Variants in GTF2A2 observed in about 807,000 individuals in gnomAD.
GTF2A2 encodes general transcription factor IIA subunit 2, also known as transcription initiation factor IIA subunit 2.
Under a neutral mutation model 14.3 loss-of-function variants are expected in GTF2A2, and 9 were observed. The observed-to-expected ratio is 0.63, with a 90% CI of 0.38 to 1.10. The LOEUF is 1.10. GTF2A2 is among the 50% of genes least tolerant of loss of function. The pLI is 0.01. For synonymous variants in GTF2A2, 56 were observed against 46.0 expected (o/e 1.22, Z -0.88); for missense variants, 90 against 124.6 (o/e 0.72, Z 1.32).
chr15:59,643,546 G>A (rs1045850004), intron 3 of GTF2A2, among the ~76,000 whole-genome samples: 2 of 145,004 alleles, frequency 1.4e-5, no homozygotes, highest in African/African-American at 5.1e-5. Context: ...AAAAAAAATT[G>A]TTTAAAGTAG....
At chr15:59,640,912 T>C (rs1240183608) in intron 4 of GTF2A2, among the ~76,000 whole-genome samples, 1 of 148,096 alleles carries the variant, frequency 6.8e-6, no homozygotes, top group Non-Finnish European at 1.5e-5. Flanking sequence ...AAGTTAACTA[T>C]GCCCAAAGTT....
intron 3 of GTF2A2, among the ~76,000 whole-genome samples, chr15:59,645,787 G>A (rs1229621971): frequency 2.6e-5 from 4 of 152,024 alleles, no homozygotes; most frequent in African/African-American, 9.7e-5. Flanking sequence ...TGTAATCCCA[G>A]CACTTCGGGA....
At chr15:59,656,517 C>G (rs528025632) in intron 1 of GTF2A2, among the ~76,000 whole-genome samples, 1 of 151,560 alleles carries the variant, frequency 6.6e-6, no homozygotes, top group Non-Finnish European at 1.5e-5. Flanking sequence ...TCCATGAGGG[C>G]AAAGCTTTTT....
rs536967965 is a variant in GTF2A2 at position 59,641,596 on chromosome 15, A to C, written c.304+540T>G. On this transcript the variant is annotated intron_variant, in intron 4 of 4. Coordinates refer to ENST00000396060, the MANE Select transcript of GTF2A2 (RefSeq NM_004492.3). Reference sequence around the variant, plus strand: ...AAAGGAAATAAACTAATCATGAAACAGAAATTAGGTGTATAGTTTTTGAAA... The same window carrying C: ...AAAGGAAATAAACTAATCATGAAACCGAAATTAGGTGTATAGTTTTTGAAA... 3.3e-4 allele frequency among the ~76,000 whole-genome samples: 50 copies of C among 150,288 alleles called. 1 individual carries two copies. Among genetic ancestry groups the C allele is most frequent in the African/African-American group, 1.2e-3 (47 of 39,630 alleles).
chr15:59,638,506 A>G lies in GTF2A2; in HGVS notation c.*626T>C, dbSNP rs1891258627. On this transcript the variant is annotated 3_prime_UTR_variant, in exon 5 of 5. Transcript: ENST00000396060. ...AAGACACCTGTCATGTGGGGGGACT[A>G]TTTTGTTTGGGTTTTTTTCCCCCTT... The G allele has an allele frequency of 6.6e-6, 1 of 152,048 alleles. No individual in the cohort carries two copies. The highest frequency in any genetic ancestry group is 6.6e-5 in the Admixed American group (1 of 15,244). 9.4% of individuals were successfully genotyped at this position (152,048 alleles called of 1,614,324 possible).
At chr15:59,657,347 G>C (rs1179597562) in intron 1 of GTF2A2, 59 bp downstream of exon 1, 2 of 152,502 alleles carry the variant, frequency 1.3e-5, no homozygotes, top group African/African-American at 4.8e-5. Flanking sequence ...GACTCCGGGG[G>C]GGCGGCAGGG....
chr15:59,647,646 T>G (rs1237023866), intron 3 of GTF2A2, among the ~76,000 whole-genome samples: 1 of 151,962 alleles, frequency 6.6e-6, no homozygotes, highest in Non-Finnish European at 1.5e-5. Flanking sequence ...TGGCGCGATC[T>G]TGGCTCACTG....
At chr15:59,646,215 C>T (rs1330114299) in intron 3 of GTF2A2, among the ~76,000 whole-genome samples, 6 of 150,862 alleles carry the variant, frequency 4.0e-5, no homozygotes, top group African/African-American at 1.5e-4. Flanking sequence ...CGCCACCACA[C>T]CCAGCTAATT....
At chr15:59,650,964 CACAAACAATCTTGAA>C (rs1891773012) in intron 2 of GTF2A2, among the ~76,000 whole-genome samples, 191 bp from the exon 3 acceptor site, 1 of 152,178 alleles carries the variant, frequency 6.6e-6, no homozygotes, top group South Asian at 2.1e-4. Flanking sequence ...ACTATCTTGA[CACAAACAATCTTGAA>C]GAGAAAACAT....
chr15:59,656,193 C>A (rs1015697653), intron 1 of GTF2A2, among the ~76,000 whole-genome samples: 54 of 152,304 alleles, frequency 3.5e-4, no homozygotes, highest in African/African-American at 1.3e-3. Flanking sequence ...CATCCCTCTC[C>A]AGATACACTG....
intron 4 of GTF2A2, among the ~76,000 whole-genome samples, chr15:59,639,465 T>TG (rs1491124994): frequency 1.2e-3 from 1 of 812 alleles, no homozygotes; most frequent in Non-Finnish European, 0.031. Flanking sequence ...CTGTCCCAAA[T>TG]TTTTTTTTTT....
At position 59,652,341 on chromosome 15, in the gene GTF2A2, T is replaced by G; in HGVS notation, c.-49-15A>C. 1 of 828,566 alleles carries G rather than the reference T, an allele frequency of 1.2e-6. No homozygotes were observed. The highest frequency in any genetic ancestry group is 1.5e-5 in the South Asian group (1 of 66,686). 51.3% of individuals were successfully genotyped at this position (828,566 alleles called of 1,614,324 possible). ...GCATTGATGTCCTAAAAATTTAATA[T>G]AAAATTGTTAAAAAAGATCATACTG... On this transcript the variant is annotated splice_polypyrimidine_tract_variant and intron_variant, in intron 1 of 4. Coordinates refer to ENST00000396060, the MANE Select transcript of GTF2A2 (RefSeq NM_004492.3).
At chr15:59,652,064 G>C in intron 2 of GTF2A2, 142 bp downstream of exon 2, 1 of 581,766 alleles carries the variant, frequency 1.7e-6, no homozygotes, top group South Asian at 2.2e-5. Context: ...AAGAATTTGA[G>C]GTAATTTAAT....
At chr15:59,642,964 A>T (rs1228824513) in intron 3 of GTF2A2, among the ~76,000 whole-genome samples, 1 of 151,056 alleles carries the variant, frequency 6.6e-6, no homozygotes, top group Non-Finnish European at 1.5e-5. Flanking sequence ...ATGGTGTTTC[A>T]CCATGTTGGC....
intron 3 of GTF2A2, among the ~76,000 whole-genome samples, chr15:59,649,367 T>C (rs960182884): frequency 6.6e-6 from 1 of 152,224 alleles, no homozygotes; most frequent in Non-Finnish European, 1.5e-5. Context: ...AATGTCAAAT[T>C]ACTTTAACTC....
intron 3 of GTF2A2, among the ~76,000 whole-genome samples, chr15:59,648,236 A>T (rs903065391): frequency 6.6e-5 from 10 of 151,440 alleles, no homozygotes; most frequent in Non-Finnish European, 2.9e-5. Flanking sequence ...GTGAAATCCC[A>T]TCTCTTACTA....
At chr15:59,642,355 A>G (rs1891458840) in intron 3 of GTF2A2, 93 bp from the exon 4 acceptor site, 1 of 1,118,532 alleles carries the variant, frequency 8.9e-7, no homozygotes, top group South Asian at 1.9e-5. Context: ...TACCAAGAAC[A>G]TAATAAGTTT....
At chr15:59,650,815 A>C in intron 2 of GTF2A2, 42 bp from the exon 3 acceptor site, 1 of 1,016,176 alleles carries the variant, frequency 9.8e-7, no homozygotes, top group African/African-American at 1.6e-5. Flanking sequence ...AAGGAAGAAC[A>C]TTAAAGACAA....
At chr15:59,639,268 T>TGGC in intron 4 of GTF2A2, 111 bp from the exon 5 acceptor site, 1 of 730,652 alleles carries the variant, frequency 1.4e-6, no homozygotes, top group Non-Finnish European at 2.5e-6. Context: ...ATAGTGGTGG[T>TGGC]GGCTTGCAGG....
Sources: gnomAD v4.1 joint callset for allele counts (sites outside exome capture counted in the v4.1 genomes callset) on GRCh38, gnomAD v4.1.1 for gene constraint, MANE v1.5 for transcripts, NCBI Gene and HGNC (gene_info 2026-07-23, HGNC 2026-07-21) for gene names.